The following C1orf21 variants were observed in gnomAD, a reference collection of about 807,000 sequenced individuals.
The protein encoded by C1orf21 is chromosome 1 open reading frame 21.
C1orf21 carries 3 observed loss-of-function variants against 18.7 expected under a neutral mutation model. The ratio of observed to expected loss-of-function variants is 0.16; its 90% CI spans 0.07 to 0.42. The LOEUF (loss-of-function observed/expected upper bound fraction) is 0.42, where lower values mean the gene tolerates loss of function less well. Among genes scored for constraint, C1orf21 ranks in the 10% least tolerant of loss-of-function variants. The probability of loss-of-function intolerance (pLI) is 0.99; values close to 1 mark genes in which losing one functional copy is unlikely to be tolerated. For missense variants in C1orf21, 104 were observed against 143.6 expected (o/e 0.72, Z 1.41); for synonymous variants, 41 against 46.4 (o/e 0.88, Z 0.47).
At chr1:184,392,806 A>G (rs903610694) in intron 1 of C1orf21, among the ~76,000 whole-genome samples, 7 of 141,810 alleles carry the variant, frequency 4.9e-5, no homozygotes, top group African/African-American at 1.8e-4. Flanking sequence ...ATTTTTATCC[A>G]TAGACATTCC....
chr1:184,451,589 G>A (rs561387650), intron 1 of C1orf21, among the ~76,000 whole-genome samples: 7 of 150,572 alleles, frequency 4.6e-5, no homozygotes, highest in Non-Finnish European at 8.8e-5. Flanking sequence ...ACAAGCATGA[G>A]CTACCAGGCC....
Position 184,411,696 on chromosome 1 carries a change from G to A in C1orf21, c.-125+24328G>A, listed in dbSNP as rs183920058. Among the ~76,000 whole-genome samples, 243 of 152,214 alleles carry A rather than the reference G, an allele frequency of 1.6e-3. 2 individuals are homozygous for A. The highest frequency in any genetic ancestry group is 4.6e-3 in the African/African-American group (192 of 41,560). ...CTTGGCCTCCCAAAGTGCTGGGATT[G>A]CAGGCGTGAGCCACCGCGCCCAGCC... On this transcript the variant is annotated intron_variant, in intron 1 of 5. Coordinates refer to ENST00000235307, the MANE Select transcript of C1orf21 (RefSeq NM_030806.4).
intron 1 of C1orf21, among the ~76,000 whole-genome samples, chr1:184,393,239 A>C (rs1295085565): frequency 6.6e-6 from 1 of 152,114 alleles, no homozygotes; most frequent in Non-Finnish European, 1.5e-5. Context: ...TCCACTGTCT[A>C]TCTGGCTCCT....
chr1:184,479,894 A>G (rs1657629191), intron 2 of C1orf21, among the ~76,000 whole-genome samples: 1 of 152,078 alleles, frequency 6.6e-6, no homozygotes, highest in South Asian at 2.1e-4. Context: ...AAGGGCGGGG[A>G]TTACAGGCAT....
intron 5 of C1orf21, among the ~76,000 whole-genome samples, chr1:184,616,994 C>T (rs1478427722): frequency 2.0e-5 from 3 of 152,190 alleles, no homozygotes; most frequent in Admixed American, 1.3e-4. Flanking sequence ...ATAGTCCTTA[C>T]TCACCTGACA....
At chr1:184,422,777 A>G (rs1656565950) in intron 1 of C1orf21, among the ~76,000 whole-genome samples, 1 of 152,236 alleles carries the variant, frequency 6.6e-6, no homozygotes, top group Non-Finnish European at 1.5e-5. Flanking sequence ...GCACTTTGCC[A>G]TAACTGTTGA....
chr1:184,502,661 C>A (rs936518415), intron 2 of C1orf21, among the ~76,000 whole-genome samples: 2 of 152,136 alleles, frequency 1.3e-5, no homozygotes, highest in African/African-American at 4.8e-5. Context: ...CAAATATGTA[C>A]AGTCTTTATA....
At chr1:184,557,614 T>G (rs1658897333) in intron 3 of C1orf21, among the ~76,000 whole-genome samples, 1 of 152,228 alleles carries the variant, frequency 6.6e-6, no homozygotes, top group Non-Finnish European at 1.5e-5. Context: ...TATTCCATGG[T>G]ATATACATAC....
chr1:184,488,439 G>A (rs1212821644), intron 2 of C1orf21, among the ~76,000 whole-genome samples: 1 of 152,226 alleles, frequency 6.6e-6, no homozygotes, highest in African/African-American at 2.4e-5. Flanking sequence ...AGCACCATGA[G>A]AGGGCTAGAG....
intron 1 of C1orf21, among the ~76,000 whole-genome samples, chr1:184,432,139 A>G (rs1423634489): frequency 6.6e-6 from 1 of 152,228 alleles, no homozygotes; most frequent in East Asian, 1.9e-4. Flanking sequence ...CTAGAACCAG[A>G]AATACCATTT....
Position 184,602,976 on chromosome 1 carries a change from C to T in C1orf21, c.327+4515C>T, listed in dbSNP as rs369915697. On this transcript the variant is annotated intron_variant, in intron 5 of 5. Transcript: ENST00000235307. ...TGTTTCTGATGAAAGGCTTCTTAAA[C>T]TTTGTTGGGCCTTGTACATCTTTTT... Among the ~76,000 whole-genome samples, 50 of 152,342 alleles carry T rather than the reference C, an allele frequency of 3.3e-4. No individual in the cohort carries two copies. In the South Asian group the frequency reaches 3.3e-3, roughly 10 times the overall value.
At chr1:184,572,938 G>A (rs1423040640) in intron 3 of C1orf21, among the ~76,000 whole-genome samples, 6 of 136,794 alleles carry the variant, frequency 4.4e-5, no homozygotes, top group Admixed American at 7.3e-5. Context: ...GAGACAGAGC[G>A]AGACTCCTTC....
chr1:184,604,795 C>G (rs562304129), intron 5 of C1orf21, among the ~76,000 whole-genome samples: 2 of 152,318 alleles, frequency 1.3e-5, no homozygotes, highest in East Asian at 3.9e-4. Context: ...GTAGATGAGT[C>G]TGTCAAGGAA....
chr1:184,405,363 T>G (rs193277264), intron 1 of C1orf21, among the ~76,000 whole-genome samples: 69 of 152,062 alleles, frequency 4.5e-4, no homozygotes, highest in African/African-American at 1.6e-3. Context: ...GCCTGGCAAA[T>G]TTTTGTATTT....
At chr1:184,575,611 T>TAAAAAAAA (rs59167087) in intron 3 of C1orf21, among the ~76,000 whole-genome samples, 1 of 83,506 alleles carries the variant, frequency 1.2e-5, no homozygotes. Context: ...CACAAAAAGG[T>TAAAAAAAA]AAAAAAAAAA....
chr1:184,478,284 T>C (rs575153167), intron 2 of C1orf21, among the ~76,000 whole-genome samples: 2 of 152,210 alleles, frequency 1.3e-5, no homozygotes, highest in African/African-American at 4.8e-5. Flanking sequence ...AAAATAAAAA[T>C]ACAATGAATC....
At chr1:184,512,266 T>C (rs1658161563) in intron 3 of C1orf21, among the ~76,000 whole-genome samples, 1 of 152,228 alleles carries the variant, frequency 6.6e-6, no homozygotes, top group African/African-American at 2.4e-5. Flanking sequence ...GGGATAACTG[T>C]GCATGATCTG....
At chr1:184,481,836 G>A (rs890136978) in intron 2 of C1orf21, among the ~76,000 whole-genome samples, 2 of 152,150 alleles carry the variant, frequency 1.3e-5, no homozygotes, top group African/African-American at 4.8e-5. Flanking sequence ...GCAGGGCTCT[G>A]GGGGAAGAAT....
chr1:184,520,723 TATTTA>T (rs1571396962), intron 3 of C1orf21, among the ~76,000 whole-genome samples: 1 of 45,486 alleles, frequency 2.2e-5, no homozygotes, highest in African/African-American at 1.6e-4. Context: ...AATTGTACTT[TATTTA>T]ATTGTACTTT....
Sources: allele counts gnomAD v4.1 joint callset (sites outside exome capture counted in the v4.1 genomes callset), GRCh38; gene constraint gnomAD v4.1.1; transcripts MANE v1.5; gene names NCBI Gene and HGNC (gene_info 2026-07-23, HGNC 2026-07-21).